The following SMYD4 variants were observed in gnomAD, a reference collection of about 807,000 sequenced individuals.
The protein encoded by SMYD4 is SET and MYND domain containing 4.
Under a neutral mutation model 72.8 loss-of-function variants are expected in SMYD4, and 68 were observed. The ratio of observed to expected loss-of-function variants is 0.93; its 90% CI spans 0.77 to 1.14. The LOEUF (loss-of-function observed/expected upper bound fraction) is 1.14. SMYD4 is among the 50% of genes most tolerant of loss of function. The probability of loss-of-function intolerance (pLI) is 0.00; values close to 1 mark genes in which losing one functional copy is unlikely to be tolerated. For missense variants in SMYD4, 984 were observed against 1,003.7 expected, an observed-to-expected ratio of 0.98 and a Z score of 0.27; for synonymous variants, 407 against 388.6, an observed-to-expected ratio of 1.05 and a Z score of -0.56.
chr17:1,815,675 T>G (rs944319489), intron 2 of SMYD4, among the ~76,000 whole-genome samples: 2 of 146,616 alleles, frequency 1.4e-5, no homozygotes, highest in African/African-American at 5.1e-5. Context: ...AAAAAAAAAT[T>G]GAGGTAGTAA....
At chr17:1,809,378 A>AT (rs1321335580) in intron 3 of SMYD4, among the ~76,000 whole-genome samples, 8 of 125,430 alleles carry the variant, frequency 6.4e-5, no homozygotes, top group African/African-American at 1.8e-4. Flanking sequence ...TATTATTATT[A>AT]TTATTTTTTT....
Position 1,800,451 on chromosome 17 carries a change from C to A in SMYD4, c.943G>T (p.Ala315Ser). Residue 315 changes from alanine to serine, a missense_variant, in exon 5 of 11, where the codon GCC becomes TCC. Transcript: ENST00000305513. ...ATVPCDGCSY[A>S]KYCSQECLQQ... ...AAACACTCCTGGCTGCAATACTTGG[C>A]ATAACTGCATCCGTCACACGGAACT... 6.2e-7 allele frequency: 1 copy of A among 1,614,206 alleles called. No individual in the cohort carries two copies. Among genetic ancestry groups the A allele is most frequent in the Non-Finnish European group, 8.5e-7 (1 of 1,180,052 alleles).
At chr17:1,805,007 A>G (rs906116389) in intron 3 of SMYD4, among the ~76,000 whole-genome samples, 1 of 152,214 alleles carries the variant, frequency 6.6e-6, no homozygotes, top group African/African-American at 2.4e-5. Flanking sequence ...CAACCTGAAT[A>G]TAACAAAGGG....
intron 2 of SMYD4, among the ~76,000 whole-genome samples, chr17:1,826,609 C>T (rs1407159883): frequency 6.6e-6 from 1 of 151,804 alleles, no homozygotes; most frequent in East Asian, 1.9e-4. Flanking sequence ...AAACTGAACT[C>T]ATTATTTCAT....
In SMYD4 at chr17:1,781,420, G is replaced by A. The variant is rs777556014; in HGVS notation, c.2281C>T (p.Leu761=). The A allele has an allele frequency of 1.2e-6, 2 of 1,613,994 alleles. No individual in the cohort carries two copies. Among genetic ancestry groups the A allele is most frequent in the South Asian group, 2.2e-5 (2 of 91,056 alleles). ...TCCTCAGCTTTCTGTATTGTGCTCA[G>A]GGCTTCGGGTACTGCAAACCTGAGC... ...FFNGFAVPEA[L]STIQKAEEVL... Residue 761 remains leucine (L), a synonymous_variant, in exon 11 of 11, where the codon CTG becomes TTG. Coordinates refer to ENST00000305513, the MANE Select transcript of SMYD4 (RefSeq NM_052928.3).
chr17:1,800,464 G>A lies in SMYD4; in HGVS notation c.930C>T (p.Asp310=), dbSNP rs761874911. ...LKHTLATVPC[D]GCSYAKYCSQ... The stretch of plus-strand genomic sequence containing the variant: ...TGCAATACTTGGCATAACTGCATCC[G>A]TCACACGGAACTGTGGCCAAAGTGT... The change falls in exon 5 of 11, where the codon GAC becomes GAT. Residue 310 remains aspartate, a synonymous_variant. Transcript: ENST00000305513. The A allele has an allele frequency of 1.9e-4, 307 of 1,614,148 alleles. 3 individuals carry two copies. In the South Asian group the frequency reaches 3.2e-3, roughly 17 times the overall value.
In SMYD4 at chr17:1,783,749, C is replaced by T. The variant is rs535888664; in HGVS notation, c.2021-273G>A. 2.6e-5 allele frequency: 13 copies of T among 502,388 alleles called. No homozygotes were observed. In the East Asian group the frequency reaches 3.2e-4, roughly 12 times the overall value. The allele number at this position is 502,388 out of a possible 1,614,324, so 31.1% of individuals were successfully genotyped here. On this transcript the variant is annotated intron_variant, in intron 8 of 10. Coordinates refer to ENST00000305513, the MANE Select transcript of SMYD4 (RefSeq NM_052928.3). ...CCAACTCGACCAACTCTACCTTTCA[C>T]GTACGGCCATGATTTCTCTTGACCC... is the stretch of plus-strand genomic sequence containing the variant.
At chr17:1,825,942 A>T (rs75318814) in intron 2 of SMYD4, among the ~76,000 whole-genome samples, 18,312 of 152,010 alleles carry the variant, frequency 0.12, 1,324 homozygotes, top group African/African-American at 0.19. Flanking sequence ...GTCTAAAAAT[A>T]AATTTTAAAT....
At chr17:1,782,989 T>C (rs370796217) in intron 10 of SMYD4, 46 bp downstream of exon 10, 1 of 1,574,684 alleles carries the variant, frequency 6.4e-7, no homozygotes, top group Non-Finnish European at 8.6e-7. Flanking sequence ...CAGAAGAGCC[T>C]AGGAAAGGAA....
chr17:1,787,178 C>G (rs931868776), intron 6 of SMYD4, among the ~76,000 whole-genome samples: 24 of 152,326 alleles, frequency 1.6e-4, no homozygotes, highest in African/African-American at 5.5e-4. Context: ...TGTTCCTAGC[C>G]CATTTTCAGA....
chr17:1,826,636 C>T (rs922551915), intron 2 of SMYD4, among the ~76,000 whole-genome samples: 1 of 152,066 alleles, frequency 6.6e-6, no homozygotes. Flanking sequence ...AATATACGAG[C>T]GCCTACTATG....
chr17:1,796,497 C>T (rs1301780618), intron 5 of SMYD4, among the ~76,000 whole-genome samples: 2 of 151,068 alleles, frequency 1.3e-5, no homozygotes, highest in Non-Finnish European at 3.0e-5. Context: ...AGTGCAGTGG[C>T]GTGATCTCGG....
At chr17:1,795,405 C>CTCTATCTATCTATCTA (rs6145948) in intron 5 of SMYD4, among the ~76,000 whole-genome samples, 109 of 148,948 alleles carry the variant, frequency 7.3e-4, no homozygotes, top group Admixed American at 1.6e-3. Flanking sequence ...ACGATCTCAG[C>CTCTATCTATCTATCTA]TCTATCTATC....
chr17:1,799,233 T>G (rs1909573615), intron 5 of SMYD4, among the ~76,000 whole-genome samples: 1 of 148,412 alleles, frequency 6.7e-6, no homozygotes, highest in African/African-American at 2.5e-5. Flanking sequence ...CACCCCAGCC[T>G]GGGGGTGACA....
chr17:1,787,345 CTGG>C, intron 6 of SMYD4, 74 bp downstream of exon 6: 1 of 1,525,770 alleles, frequency 6.6e-7, no homozygotes, highest in Non-Finnish European at 8.9e-7. Context: ...AGTCACATGC[CTGG>C]TGGCTTGCTG....
intron 5 of SMYD4, among the ~76,000 whole-genome samples, chr17:1,788,776 A>C (rs1026579081): frequency 1.3e-5 from 2 of 152,172 alleles, no homozygotes; most frequent in African/African-American, 2.4e-5. Flanking sequence ...TTCAGAAAAG[A>C]AAGCATGGTG....
At chr17:1,782,887 G>C (rs1258984700) in intron 10 of SMYD4, 148 bp downstream of exon 10, 14 of 1,279,194 alleles carry the variant, frequency 1.1e-5, no homozygotes, top group Non-Finnish European at 1.5e-5. Flanking sequence ...CGTTATGTTT[G>C]TTAGCAAAAC....
chr17:1,787,561 A>C lies in SMYD4; in HGVS notation c.1581T>G (p.Leu527=). ...TGATAACAGGGAAGATGCCTGTGGC[A>C]AGGCGCACCTGCCTGCTGTCGGTAA... ...SIVTDSRQVR[L]ATGIFPVISL... The change falls in exon 6 of 11, where the codon CTT becomes CTG. Residue 527 remains leucine, a synonymous_variant. Transcript: ENST00000305513. 1 of 1,595,924 alleles carries C rather than the reference A, an allele frequency of 6.3e-7. No homozygotes were observed. Among genetic ancestry groups the C allele is most frequent in the South Asian group, 1.1e-5 (1 of 87,646 alleles).
At chr17:1,812,742 T>C (rs1336966409) in intron 2 of SMYD4, among the ~76,000 whole-genome samples, 2 of 151,614 alleles carry the variant, frequency 1.3e-5, no homozygotes, top group African/African-American at 4.8e-5. Flanking sequence ...AGAGAAAGCA[T>C]TTCACCATGT....
Sources: allele counts gnomAD v4.1 joint callset (sites outside exome capture counted in the v4.1 genomes callset), GRCh38; gene constraint gnomAD v4.1.1; transcripts MANE v1.5; gene names NCBI Gene and HGNC (gene_info 2026-07-23, HGNC 2026-07-21).